FBXL13: variants seen among roughly 807,000 people sequenced by gnomAD.
FBXL13 encodes the protein F-box and leucine rich repeat protein 13.
Under a neutral mutation model 83.6 loss-of-function variants are expected in FBXL13, and 67 were observed. The ratio of observed to expected loss-of-function variants is 0.80; its 90% CI spans 0.66 to 0.98. FBXL13 has a LOEUF of 0.98. FBXL13 is among the 50% of genes least tolerant of loss of function. The probability of loss-of-function intolerance (pLI) is 0.00; values close to 1 mark genes in which losing one functional copy is unlikely to be tolerated. For synonymous variants in FBXL13, 272 were observed against 299.5 expected (o/e 0.91, Z 0.95); for missense variants, 822 against 866.5 (o/e 0.95, Z 0.64).
At chr7:102,973,535 T>A (rs1443494268) in intron 6 of FBXL13, 1 of 764,476 alleles carries the variant, frequency 1.3e-6, no homozygotes, top group Non-Finnish European at 2.4e-6. Flanking sequence ...AGGCGCTCAT[T>A]AAAACAGCAG....
intron 2 of FBXL13, among the ~76,000 whole-genome samples, chr7:103,045,975 G>A (rs1182279989): frequency 6.6e-6 from 1 of 152,198 alleles, no homozygotes; most frequent in Non-Finnish European, 1.5e-5. Flanking sequence ...AGAGGTGGCT[G>A]CATGCAAGAT....
intron 14 of FBXL13, among the ~76,000 whole-genome samples, chr7:102,879,206 A>G (rs538657052): frequency 6.6e-6 from 1 of 152,348 alleles, no homozygotes; most frequent in Non-Finnish European, 1.5e-5. Context: ...GTTTCACAAC[A>G]GCTCTACAGG....
intron 2 of FBXL13, among the ~76,000 whole-genome samples, chr7:103,033,182 CT>C (rs1227519277): frequency 6.6e-6 from 1 of 151,996 alleles, no homozygotes; most frequent in East Asian, 1.9e-4. Context: ...TTTTGTTTTT[CT>C]TTTTTTTCTT....
At position 102,926,286 on chromosome 7, in the gene FBXL13, C is replaced by T. The variant is rs533885154; in HGVS notation, c.866G>A (p.Arg289Gln). The change falls in exon 10 of 20, where the codon CGA becomes CAA. Residue 289 changes from arginine to glutamine, a missense_variant. Physicochemically the swap from Arg to Gln is conservative, Grantham distance 43. Coordinates refer to ENST00000313221, the Ensembl canonical transcript of FBXL13. ...ACACAAACATTACCTCGGCAGGAGT[C>T]GCATCGTCCTGTTGGTGATAGTTGT... 49 of 1,613,304 alleles carry T rather than the reference C, an allele frequency of 3.0e-5. No homozygotes were observed. The highest frequency in any genetic ancestry group is 1.5e-4 in the Admixed American group (9 of 59,904).
intron 11 of FBXL13, among the ~76,000 whole-genome samples, chr7:102,888,725 T>G (rs1811120604): frequency 6.6e-6 from 1 of 152,074 alleles, no homozygotes; most frequent in South Asian, 2.1e-4. Context: ...TTTTGTTTGT[T>G]TTTGTTTTTT....
chr7:102,859,037 T>G (rs926469260), intron 16 of FBXL13, among the ~76,000 whole-genome samples: 2 of 152,074 alleles, frequency 1.3e-5, no homozygotes, highest in African/African-American at 4.8e-5. Flanking sequence ...AAAAGATTGA[T>G]GTAATAATTG....
At chr7:102,875,347 G>T (rs1423283333) in intron 16 of FBXL13, among the ~76,000 whole-genome samples, 2 of 152,062 alleles carry the variant, frequency 1.3e-5, no homozygotes, top group Admixed American at 1.3e-4. Context: ...AGAGGTGGAG[G>T]GGAAGAAGAT....
chr7:102,968,192 TGTGTGTGCACACATGTGC>T, intron 6 of FBXL13, 75 bp from the exon 8 acceptor site: 35 of 979,842 alleles, frequency 3.6e-5, no homozygotes, highest in Non-Finnish European at 5.1e-5. Flanking sequence ...CTTTTGTCTG[TGTGTGTGCACACATGTGC>T]GTGCACACAC....
chr7:103,056,614 C>T (rs749568498), intron 1 of FBXL13, among the ~76,000 whole-genome samples: 46 of 152,064 alleles, frequency 3.0e-4, no homozygotes, highest in Admixed American at 2.9e-3. Flanking sequence ...TCCACCACCA[C>T]GCCTAGCTAA....
rs771789208 is a variant in FBXL13, at chr7:102,934,212, T to C, written c.725-2279A>G. On this transcript the variant is annotated intron_variant, in intron 8 of 19. Transcript: ENST00000313221. ...AAGATCCGCACATTGAAGAACAACA[T>C]GTTTTCCAAGTTTAAAAAGCTGAAA... is the stretch of plus-strand genomic sequence containing the variant. The C allele has an allele frequency of 7.4e-6, 12 of 1,614,250 alleles. No individual in the cohort carries two copies. Among genetic ancestry groups the C allele is most frequent in the African/African-American group, 1.3e-5 (1 of 75,068 alleles).
intron 8 of FBXL13, chr7:102,942,242 C>A: frequency 1.3e-6 from 2 of 1,486,034 alleles, no homozygotes; most frequent in African/African-American, 1.4e-5. Flanking sequence ...GCAGTTAAGG[C>A]AAAATGACCT....
chr7:102,996,079 G>T (rs768783263), intron 6 of FBXL13, among the ~76,000 whole-genome samples: 24 of 152,172 alleles, frequency 1.6e-4, no homozygotes, highest in Non-Finnish European at 1.5e-4. Flanking sequence ...AGGTCATATT[G>T]CTAGTAAACA....
intron 1 of FBXL13, among the ~76,000 whole-genome samples, chr7:103,068,601 T>C (rs1008123638): frequency 6.6e-6 from 1 of 152,202 alleles, no homozygotes; most frequent in Non-Finnish European, 1.5e-5. Context: ...AATGCACAGC[T>C]GCTTTTTTTC....
intron 8 of FBXL13, among the ~76,000 whole-genome samples, chr7:102,945,714 G>C (rs967413532): frequency 2.0e-5 from 3 of 152,172 alleles, no homozygotes; most frequent in African/African-American, 7.2e-5. Flanking sequence ...CATGTCCTTA[G>C]TGAGATACTA....
intron 17 of FBXL13, among the ~76,000 whole-genome samples, chr7:102,834,089 A>AGGAAGGAAGG (rs1291419171): frequency 2.9e-5 from 2 of 68,552 alleles, no homozygotes; most frequent in African/African-American, 1.2e-4. Context: ...AGGAAAGAAA[A>AGGAAGGAAGG]GAAAGAAAGA....
chr7:102,977,785 C>T (rs1343101538), intron 6 of FBXL13, among the ~76,000 whole-genome samples: 1 of 152,176 alleles, frequency 6.6e-6, no homozygotes, highest in Non-Finnish European at 1.5e-5. Context: ...ATGATGAGTT[C>T]ATGTCCTTTG....
chr7:103,074,233 AC>A, intron 1 of FBXL13: 1 of 994,132 alleles, frequency 1.0e-6, no homozygotes, highest in Non-Finnish European at 1.2e-6. Context: ...CTCCATGGAA[AC>A]CTCAGGCTCA....
intron 11 of FBXL13, among the ~76,000 whole-genome samples, chr7:102,894,249 A>G (rs981196557): frequency 1.3e-5 from 2 of 152,180 alleles, no homozygotes; most frequent in African/African-American, 2.4e-5. Flanking sequence ...TGACCTTGGA[A>G]TCTTCCAGTT....
At chr7:102,997,344 A>G (rs2129485224) in intron 6 of FBXL13, among the ~76,000 whole-genome samples, 1 of 152,324 alleles carries the variant, frequency 6.6e-6, no homozygotes, top group Non-Finnish European at 1.5e-5. Context: ...ATATTTTAAT[A>G]TATGCATACA....
Sources: gnomAD v4.1 joint callset for allele counts (sites outside exome capture counted in the v4.1 genomes callset) on GRCh38, gnomAD v4.1.1 for gene constraint, MANE v1.5 for transcripts, NCBI Gene and HGNC (gene_info 2026-07-23, HGNC 2026-07-21) for gene names.